Variants in ICE2 observed in about 807,000 individuals in gnomAD.
The protein encoded by ICE2 is little elongation complex subunit 2.
Under a neutral mutation model 105.4 loss-of-function variants are expected in ICE2, and 87 were observed. The ratio of observed to expected loss-of-function variants is 0.83; its 90% CI spans 0.69 to 0.99. ICE2 has a LOEUF of 0.99. Among genes scored for constraint, ICE2 ranks in the 50% least tolerant of loss-of-function variants. ICE2 has a pLI of 0.00. For synonymous variants in ICE2, 399 were observed against 392.0 expected (o/e 1.02, Z -0.21); for missense variants, 1,323 against 1,146.7 (o/e 1.15, Z -2.22).
chr15:60,438,888 C>T (rs1190516171), intron 12 of ICE2: 3 of 152,212 alleles, frequency 2.0e-5, no homozygotes, highest in Non-Finnish European at 4.4e-5. Flanking sequence ...CAAGCAATCT[C>T]TCTTATATAT....
At chr15:60,432,047 GC>G in intron 13 of ICE2, 63 bp from the exon 14 acceptor site, 3 of 835,986 alleles carry the variant, frequency 3.6e-6, no homozygotes, top group Non-Finnish European at 5.9e-6. Context: ...AGCAATTATA[GC>G]TCCTCAGGCA....
Position 60,476,067 on chromosome 15 carries a change from T to C in ICE2, c.142A>G (p.Asn48Asp), listed in dbSNP as rs374669805. 8 of 1,577,262 alleles carry C rather than the reference T, an allele frequency of 5.1e-6. No individual in the cohort carries two copies. The highest frequency in any genetic ancestry group is 6.0e-6 in the Non-Finnish European group (7 of 1,161,496). ...ATAACCAAATAAACATATTACCTGT[T>C]GGATAAAACACGTAGTTCTTTTAAA... ...PSLKELRVLS[N>D]RRIGENLNAS... The change falls in exon 3 of 16, where the codon AAC becomes GAC. Residue 48 changes from asparagine to aspartate, a missense_variant. Physicochemically the swap from Asn to Asp is conservative, Grantham distance 23. Coordinates refer to ENST00000261520, the MANE Select transcript of ICE2 (RefSeq NM_024611.6).
Position 60,455,307 on chromosome 15 carries a change from A to T in ICE2, c.783+19T>A. On this transcript the variant is annotated intron_variant, in intron 7 of 15. Transcript: ENST00000261520. ...ATAAAAGATTATTTAGGAAGATCCA[A>T]TGTTGCCTTGGTACTTACATAATGC... The T allele has an allele frequency of 6.3e-7, 1 of 1,576,340 alleles. No individual in the cohort carries two copies. The highest frequency in any genetic ancestry group is 8.7e-7 in the Non-Finnish European group (1 of 1,146,994).
At chr15:60,462,025 T>TA (rs970585604) in intron 5 of ICE2, among the ~76,000 whole-genome samples, 2 of 152,036 alleles carry the variant, frequency 1.3e-5, no homozygotes, top group African/African-American at 4.8e-5. Flanking sequence ...AATAACATTT[T>TA]AAAAAAAGAA....
chr15:60,467,988 A>C, intron 4 of ICE2, 73 bp downstream of exon 4: 1 of 1,346,910 alleles, frequency 7.4e-7, no homozygotes, highest in Non-Finnish European at 9.9e-7. Context: ...TAAAAACATA[A>C]ATGTAAATTT....
intron 13 of ICE2, among the ~76,000 whole-genome samples, chr15:60,434,276 T>C (rs1363548732): frequency 2.0e-5 from 3 of 152,222 alleles, no homozygotes; most frequent in Non-Finnish European, 2.9e-5. Flanking sequence ...TGTATAATGA[T>C]GCTTGGTAGA....
chr15:60,442,359 C>T (rs536446456), intron 12 of ICE2, 57 bp downstream of exon 12: 3 of 1,451,808 alleles, frequency 2.1e-6, no homozygotes, highest in Middle Eastern at 2.5e-4. Flanking sequence ...ATTGAATTTA[C>T]AAGTATGTAA....
chr15:60,455,571 G>T, intron 6 of ICE2, 129 bp from the exon 7 acceptor site: 2 of 627,798 alleles, frequency 3.2e-6, no homozygotes, highest in Non-Finnish European at 5.4e-6. Context: ...ATCAGATTTA[G>T]AAACTTTATG....
intron 5 of ICE2, among the ~76,000 whole-genome samples, chr15:60,459,428 T>C (rs1355962124): frequency 6.6e-6 from 1 of 152,136 alleles, no homozygotes; most frequent in African/African-American, 2.4e-5. Flanking sequence ...ATGATCTTAC[T>C]AAAATGAGAA....
At chr15:60,455,250 G>C (rs1232350066) in intron 7 of ICE2, 76 bp downstream of exon 7, 41 of 1,515,804 alleles carry the variant, frequency 2.7e-5, no homozygotes, top group Admixed American at 1.7e-4. Context: ...AGGGGACTTT[G>C]GGACAATCGG....
At chr15:60,437,203 C>T (rs747506656) in intron 12 of ICE2, among the ~76,000 whole-genome samples, 1 of 151,124 alleles carries the variant, frequency 6.6e-6, no homozygotes, top group African/African-American at 2.4e-5. Flanking sequence ...TGCAGTGAGC[C>T]GATACAGTGC....
rs879891373 is a variant in ICE2 at position 60,479,048 on chromosome 15, C to T, written c.-138G>A. ...TTGCCCAGGCCGCAGCCACACACCA[C>T]ACACGCTCCACCCCACTCCTCACAT... On this transcript the variant is annotated 5_prime_UTR_variant, in exon 1 of 16. The change creates a new upstream start codon in the 5' untranslated region. Transcript: ENST00000261520. 7 of 455,778 alleles carry T rather than the reference C, an allele frequency of 1.5e-5. No individual in the cohort carries two copies. The highest frequency in any genetic ancestry group is 2.6e-5 in the Non-Finnish European group (6 of 226,692). The allele number at this position is 455,778 out of a possible 1,614,324, so 28.2% of individuals were successfully genotyped here.
intron 6 of ICE2, 98 bp from the exon 7 acceptor site, chr15:60,455,540 A>T (rs2064084339): frequency 6.9e-6 from 5 of 723,216 alleles, no homozygotes; most frequent in East Asian, 2.7e-5. Context: ...CTTGAACTTT[A>T]TAATTCTACT....
chr15:60,438,749 T>C (rs1214712777), intron 12 of ICE2: 1 of 152,232 alleles, frequency 6.6e-6, no homozygotes, highest in Admixed American at 6.5e-5. Context: ...TCTCTCAACA[T>C]TGGAGCTTTC....
chr15:60,424,598 C>T (rs2063300355), intron 15 of ICE2, among the ~76,000 whole-genome samples: 1 of 152,180 alleles, frequency 6.6e-6, no homozygotes, highest in Non-Finnish European at 1.5e-5. Flanking sequence ...ACCTCCACCT[C>T]CTGGGTTCAA....
intron 12 of ICE2, chr15:60,439,250 A>T (rs2063665982): frequency 6.6e-6 from 1 of 152,254 alleles, no homozygotes; most frequent in African/African-American, 2.4e-5. Flanking sequence ...AAGAACAGTA[A>T]AATATTTTAG....
chr15:60,446,201 GT>G, intron 11 of ICE2, among the ~76,000 whole-genome samples: 1 of 152,146 alleles, frequency 6.6e-6, no homozygotes, highest in Non-Finnish European at 1.5e-5. Context: ...TGAATTAGAA[GT>G]TTAAGAATTT....
chr15:60,478,951 C>G (rs1398200566), intron 1 of ICE2, 52 bp downstream of exon 1: 1 of 455,692 alleles, frequency 2.2e-6, no homozygotes, highest in Admixed American at 2.4e-5. Context: ...CCCGCTGGCC[C>G]GGCAGCGCCC....
At chr15:60,445,828 G>A in intron 11 of ICE2, 1 of 965,918 alleles carries the variant, frequency 1.0e-6, no homozygotes, top group Non-Finnish European at 1.2e-6. Context: ...GGTTCACAGA[G>A]TAGGAAGTTA....
Sources: allele counts gnomAD v4.1 joint callset (sites outside exome capture counted in the v4.1 genomes callset), GRCh38; gene constraint gnomAD v4.1.1; transcripts MANE v1.5; gene names NCBI Gene and HGNC (gene_info 2026-07-23, HGNC 2026-07-21).